Variants in LRP1B observed in about 807,000 individuals in gnomAD.
The protein encoded by LRP1B is LDL receptor related protein 1B.
Under a neutral mutation model 556.6 loss-of-function variants are expected in LRP1B, and 217 were observed. That is an observed-to-expected ratio of 0.39 (90% confidence interval 0.35 to 0.44). LRP1B has a LOEUF of 0.44. LRP1B is among the 20% of genes least tolerant of loss of function. The pLI is 1.00. For missense variants in LRP1B, 5,053 were observed against 5,620.8 expected, an observed-to-expected ratio of 0.90 and a Z score of 3.23; for synonymous variants, 2,047 against 1,865.8, an observed-to-expected ratio of 1.10 and a Z score of -2.50.
intron 3 of LRP1B, among the ~76,000 whole-genome samples, chr2:141,455,786 C>T (rs1038161391): frequency 1.3e-5 from 2 of 152,172 alleles, no homozygotes; most frequent in Non-Finnish European, 2.9e-5. Context: ...CCAATAAATA[C>T]CAACTTTTGA....
intron 81 of LRP1B, among the ~76,000 whole-genome samples, chr2:140,323,014 G>T (rs1206142461): frequency 2.0e-5 from 3 of 151,922 alleles, no homozygotes; most frequent in Admixed American, 6.6e-5. Flanking sequence ...TAAAATTTCA[G>T]GATGTTTTAG....
rs114457772 is a variant in LRP1B at position 140,588,115 on chromosome 2, A to G, written c.7194+10516T>C. On this transcript the variant is annotated intron_variant, in intron 43 of 90. Transcript: ENST00000389484. ...AAAGCAATAGGGAAGTAAGCAATTA[A>G]AGAAGAAGCCTGTGAACATCAAGAA... is the stretch of plus-strand genomic sequence containing the variant. Among the ~76,000 whole-genome samples, 1,049 of 152,304 alleles carry G rather than the reference A, an allele frequency of 6.9e-3. 11 individuals carry two copies. The highest frequency in any genetic ancestry group is 0.024 in the African/African-American group (993 of 41,564).
chr2:140,303,010 T>A (rs1376733226), intron 83 of LRP1B, among the ~76,000 whole-genome samples: 1 of 80,398 alleles, frequency 1.2e-5, no homozygotes, highest in African/African-American at 4.4e-5. Context: ...ATAAATCTCC[T>A]TCATATATAT....
chr2:141,143,780 C>T (rs1486804579), intron 7 of LRP1B, among the ~76,000 whole-genome samples: 4 of 151,918 alleles, frequency 2.6e-5, no homozygotes, highest in Non-Finnish European at 5.9e-5. Context: ...CACATTGTCT[C>T]ATTTCCCCAT....
rs187387179 is a variant in LRP1B at position 141,156,234 on chromosome 2, A to G, written c.1013+32187T>C. Among the ~76,000 whole-genome samples the G allele has an allele frequency of 5.6e-4, 86 of 152,260 alleles. 2 individuals are homozygous for G. In the East Asian group the frequency reaches 0.01, roughly 18 times the overall value. On this transcript the variant is annotated intron_variant, in intron 7 of 90. Coordinates refer to ENST00000389484, the MANE Select transcript of LRP1B (RefSeq NM_018557.3). Reference sequence around the variant, plus strand: ...GGTCTATGCCAACAGAAAACCAAGAAGTAGGCTCTTCAAGGTATAGGAGCT... The same window carrying G: ...GGTCTATGCCAACAGAAAACCAAGAGGTAGGCTCTTCAAGGTATAGGAGCT...
chr2:141,426,749 T>C (rs138667512), intron 3 of LRP1B, among the ~76,000 whole-genome samples: 161 of 152,334 alleles, frequency 1.1e-3, no homozygotes, highest in African/African-American at 3.3e-3. Flanking sequence ...AATTATTTTT[T>C]AGGCTGTATT....
At chr2:142,007,227 G>A (rs756834002) in intron 1 of LRP1B, among the ~76,000 whole-genome samples, 1 of 152,002 alleles carries the variant, frequency 6.6e-6, no homozygotes, top group Admixed American at 6.6e-5. Context: ...TTCAAATATC[G>A]AATTTGTTCT....
At chr2:141,151,888 T>C (rs1701935198) in intron 7 of LRP1B, among the ~76,000 whole-genome samples, 2 of 152,060 alleles carry the variant, frequency 1.3e-5, no homozygotes, top group Admixed American at 1.3e-4. Context: ...ATTTTGGCTG[T>C]TTGTGGAAGT....
At chr2:141,465,479 A>G (rs1682152412) in intron 3 of LRP1B, among the ~76,000 whole-genome samples, 1 of 151,930 alleles carries the variant, frequency 6.6e-6, no homozygotes, top group African/African-American at 2.4e-5. Flanking sequence ...CTGGCTCCCC[A>G]GGAGCTATCC....
At chr2:140,310,422 A>G (rs1445551890) in intron 83 of LRP1B, among the ~76,000 whole-genome samples, 1 of 151,436 alleles carries the variant, frequency 6.6e-6, no homozygotes, top group Non-Finnish European at 1.5e-5. Context: ...ACCAAAAAAA[A>G]AAAAAAGGCC....
intron 27 of LRP1B, among the ~76,000 whole-genome samples, chr2:140,859,828 A>G (rs1010820673): frequency 6.6e-6 from 1 of 151,870 alleles, no homozygotes; most frequent in Admixed American, 6.6e-5. Context: ...CCCCATCTCT[A>G]CTAAAAATAC....
At chr2:140,522,318 G>C (rs144382119) in intron 49 of LRP1B, among the ~76,000 whole-genome samples, 2 of 151,842 alleles carry the variant, frequency 1.3e-5, no homozygotes, top group Non-Finnish European at 2.9e-5. Context: ...AACTTGCTCC[G>C]AATGAATTTT....
chr2:140,780,355 G>A (rs1689655026), intron 32 of LRP1B, among the ~76,000 whole-genome samples: 1 of 152,242 alleles, frequency 6.6e-6, no homozygotes, highest in East Asian at 1.9e-4. Context: ...GTAGAATTGA[G>A]GGCCTACTGG....
intron 2 of LRP1B, among the ~76,000 whole-genome samples, chr2:141,764,308 G>T (rs562519483): frequency 7.2e-5 from 11 of 152,174 alleles, no homozygotes; most frequent in African/African-American, 2.6e-4. Flanking sequence ...AGCCTTCCAA[G>T]TAGCTGGGAC....
intron 60 of LRP1B, among the ~76,000 whole-genome samples, chr2:140,464,350 A>G (rs1164194696): frequency 6.6e-6 from 1 of 152,166 alleles, no homozygotes; most frequent in Non-Finnish European, 1.5e-5. Flanking sequence ...TTCAAATAAT[A>G]TGTACTCTCC....
At position 141,906,283 on chromosome 2, in the gene LRP1B, G is replaced by T. The variant is rs1487940708; in HGVS notation, c.83-95882C>A. Among the ~76,000 whole-genome samples, 6 of 151,658 alleles carry T rather than the reference G, an allele frequency of 4.0e-5. No individual in the cohort carries two copies. In the Admixed American group the frequency reaches 4.0e-4, roughly 10 times the overall value. On this transcript the variant is annotated intron_variant, in intron 1 of 90. Transcript: ENST00000389484. ...CAGAACAAAAAAAAACAAAAACAATGCATGATATAGACACGACACAAATTA... is the reference window on the plus strand; with the variant it reads ...CAGAACAAAAAAAAACAAAAACAATTCATGATATAGACACGACACAAATTA...
chr2:141,570,056 G>C lies in LRP1B; in HGVS notation c.206-89523C>G, dbSNP rs769434960. 1.3e-4 allele frequency among the ~76,000 whole-genome samples: 19 copies of C among 151,054 alleles called. 2 individuals carry two copies. The highest frequency in any genetic ancestry group is 2.4e-4 in the Non-Finnish European group (16 of 67,418). On this transcript the variant is annotated intron_variant, in intron 2 of 90. Transcript: ENST00000389484. ...GAAACCAATCAGTGCAATATAGCAAGACCCTGTCTCTAGAAAATATTTAAG... is the reference window on the plus strand; with the variant it reads ...GAAACCAATCAGTGCAATATAGCAACACCCTGTCTCTAGAAAATATTTAAG...
At chr2:141,806,475 C>T (rs533200245) in intron 2 of LRP1B, among the ~76,000 whole-genome samples, 1 of 152,058 alleles carries the variant, frequency 6.6e-6, no homozygotes, top group South Asian at 2.1e-4. Flanking sequence ...AAAGTCCTTA[C>T]CATATACAAT....
At chr2:141,659,506 C>G (rs1229732196) in intron 2 of LRP1B, among the ~76,000 whole-genome samples, 2 of 151,998 alleles carry the variant, frequency 1.3e-5, no homozygotes, top group Non-Finnish European at 2.9e-5. Flanking sequence ...GAAAAGGAAA[C>G]AATCAACAAT....
Sources: gnomAD v4.1 joint callset for allele counts (sites outside exome capture counted in the v4.1 genomes callset) on GRCh38, gnomAD v4.1.1 for gene constraint, MANE v1.5 for transcripts, NCBI Gene and HGNC (gene_info 2026-07-23, HGNC 2026-07-21) for gene names.